The following COL6A5 variants were observed in gnomAD, a reference collection of about 807,000 sequenced individuals.
COL6A5 encodes the protein collagen alpha-5(VI) chain.
Under a neutral mutation model 65.6 loss-of-function variants are expected in COL6A5, and 48 were observed. That is an observed-to-expected ratio of 0.73 (90% CI 0.58 to 0.93). The LOEUF (loss-of-function observed/expected upper bound fraction) is 0.93, where lower values mean the gene tolerates loss of function less well. Among genes scored for constraint, COL6A5 ranks in the 40% least tolerant of loss-of-function variants. COL6A5 has a pLI of 0.00. For synonymous variants in COL6A5, 291 were observed against 322.8 expected (o/e 0.90, Z 1.05); for missense variants, 914 against 928.3 (o/e 0.98, Z 0.20).
intron 4 of COL6A5, among the ~76,000 whole-genome samples, chr3:130,445,200 A>G (rs1709277721): frequency 6.6e-6 from 1 of 152,226 alleles, no homozygotes; most frequent in Non-Finnish European, 1.5e-5. Context: ...GATAACAGCA[A>G]TTAAAGTGAA....
At chr3:130,481,179 A>G (rs1234227988) in intron 7 of COL6A5, among the ~76,000 whole-genome samples, 3 of 151,822 alleles carry the variant, frequency 2.0e-5, no homozygotes, top group Non-Finnish European at 4.4e-5. Context: ...TATTTCTCCT[A>G]ATGCTATCAC....
chr3:130,412,743 C>A (rs937267414), intron 20 of COL6A5, among the ~76,000 whole-genome samples: 2 of 152,016 alleles, frequency 1.3e-5, no homozygotes, highest in Non-Finnish European at 2.9e-5. Context: ...AATCAAGGGG[C>A]AGAACTTCAG....
chr3:130,397,503 C>G, intron 8 of COL6A5, 80 bp from the exon 9 acceptor site: 2 of 1,103,240 alleles, frequency 1.8e-6, no homozygotes. Context: ...TGGGGCATGA[C>G]AGTGCTCCTT....
chr3:130,440,082 G>C (rs1312874535), intron 2 of COL6A5, 84 bp from the exon 35 acceptor site: 1 of 1,024,718 alleles, frequency 9.8e-7, no homozygotes, highest in East Asian at 2.6e-5. Flanking sequence ...TTGGTAATTA[G>C]TCACTGAGTC....
At chr3:130,456,464 G>A (rs1709574289) in intron 5 of COL6A5, among the ~76,000 whole-genome samples, 1 of 152,044 alleles carries the variant, frequency 6.6e-6, no homozygotes, top group Non-Finnish European at 1.5e-5. Context: ...TAATTCGATT[G>A]TGTAATACAA....
exon 3 of COL6A5, chr3:130,440,396 A>G (rs1168690217): frequency 6.2e-7 from 1 of 1,613,616 alleles, no homozygotes; most frequent in South Asian, 1.1e-5. Flanking sequence ...GGAAAGTTCC[A>G]GGAGAAAGAT....
chr3:130,467,612 G>A (rs1039885988), intron 5 of COL6A5, among the ~76,000 whole-genome samples: 1 of 151,938 alleles, frequency 6.6e-6, no homozygotes, highest in Non-Finnish European at 1.5e-5. Flanking sequence ...GAGATAATAT[G>A]GAATTTATAC....
At position 130,401,021 on chromosome 3, in the gene COL6A5, T is replaced by C. The variant is rs1936795094; in HGVS notation, c.3992-10T>C. 6.5e-7 allele frequency: 1 copy of C among 1,527,508 alleles called. No individual in the cohort carries two copies. The highest frequency in any genetic ancestry group is 8.8e-7 in the Non-Finnish European group (1 of 1,139,602). 94.6% of individuals were successfully genotyped at this position (1,527,508 alleles called of 1,614,324 possible). A position where few individuals can be genotyped will look rare whatever the true frequency, so the allele number is the denominator to read the frequency against. On this transcript the variant is annotated splice_polypyrimidine_tract_variant and intron_variant and NMD_transcript_variant, in intron 10 of 41. Coordinates refer to the COL6A5 transcript ENST00000312481. ...TTTGCTTTATTTATATTGTGGTTTT[T>C]ACCACATAGGACTTGATGCTCTGCT...
chr3:130,413,934 A>T (rs1937261095), intron 21 of COL6A5, 135 bp from the exon 22 acceptor site: 1 of 685,502 alleles, frequency 1.5e-6, no homozygotes, highest in South Asian at 1.9e-5. Context: ...AGAACTGTAA[A>T]ATCCTAGGCC....
chr3:130,392,592 C>T (rs1936441611), intron 7 of COL6A5, among the ~76,000 whole-genome samples: 1 of 152,114 alleles, frequency 6.6e-6, no homozygotes, highest in Non-Finnish European at 1.5e-5. Flanking sequence ...CACTTCCTTC[C>T]TCCCTCCTTC....
intron 22 of COL6A5, among the ~76,000 whole-genome samples, chr3:130,414,418 T>C (rs1354011910): frequency 6.6e-6 from 1 of 152,128 alleles, no homozygotes; most frequent in Admixed American, 6.6e-5. Flanking sequence ...ACATTAATAA[T>C]TAACACCAGG....
intron 7 of COL6A5, among the ~76,000 whole-genome samples, chr3:130,473,411 G>T (rs2107619236): frequency 6.6e-6 from 1 of 152,102 alleles, no homozygotes; most frequent in East Asian, 1.9e-4. Context: ...AGGAAAAGAG[G>T]CCCCATGCAT....
At chr3:130,440,789 G>A (rs751453334) in exon 3 of COL6A5, 2 of 1,612,578 alleles carry the variant, frequency 1.2e-6, no homozygotes, top group South Asian at 2.2e-5. Flanking sequence ...GAATTATATT[G>A]CGAAGTTCTT....
At chr3:130,443,802 C>G (rs1204844325) in intron 4 of COL6A5, among the ~76,000 whole-genome samples, 3 of 152,188 alleles carry the variant, frequency 2.0e-5, no homozygotes, top group Admixed American at 6.5e-5. Context: ...TTCAGAAATT[C>G]CTGTATTGAA....
At chr3:130,383,404 T>C (rs150065128) in intron 4 of COL6A5, among the ~76,000 whole-genome samples, 128 of 152,178 alleles carry the variant, frequency 8.4e-4, no homozygotes, top group African/African-American at 2.6e-3. Context: ...TACTCACCTT[T>C]TTCTCTCCCT....
chr3:130,401,826 A>G, exon 12 of COL6A5: 1 of 1,551,460 alleles, frequency 6.4e-7, no homozygotes, highest in Non-Finnish European at 8.7e-7. Context: ...CCAGGACCTC[A>G]TGGGACCCGA....
At chr3:130,347,637 G>T (rs1934537835) in intron 1 of COL6A5, among the ~76,000 whole-genome samples, 1 of 152,134 alleles carries the variant, frequency 6.6e-6, no homozygotes, top group Non-Finnish European at 1.5e-5. Flanking sequence ...CATATGTCTT[G>T]TTTGCATTGT....
chr3:130,359,241 C>T (rs1935024577), intron 1 of COL6A5, among the ~76,000 whole-genome samples: 1 of 151,942 alleles, frequency 6.6e-6, no homozygotes, highest in Non-Finnish European at 1.5e-5. Context: ...GAAACAATGC[C>T]AGGCAGAATA....
chr3:130,414,740 A>G (rs1467688285), intron 22 of COL6A5, among the ~76,000 whole-genome samples: 1 of 152,024 alleles, frequency 6.6e-6, no homozygotes, highest in Non-Finnish European at 1.5e-5. Flanking sequence ...TATGAAGCCC[A>G]CTTTACATGA....
Sources: gnomAD v4.1 joint callset for allele counts (sites outside exome capture counted in the v4.1 genomes callset) on GRCh38, gnomAD v4.1.1 for gene constraint, MANE v1.5 for transcripts, NCBI Gene and HGNC (gene_info 2026-07-23, HGNC 2026-07-21) for gene names.